Variants in C10orf53 observed in about 807,000 individuals in gnomAD.
C10orf53 encodes the protein UPF0728 protein C10orf53.
A neutral mutation model predicts 9.4 loss-of-function variants in C10orf53; 8 were observed. The ratio of observed to expected loss-of-function variants is 0.85; its 90% CI spans 0.50 to 1.53. The LOEUF (loss-of-function observed/expected upper bound fraction) is 1.53, where lower values mean the gene tolerates loss of function less well. C10orf53 is among the 40% of genes most tolerant of loss of function. The probability of loss-of-function intolerance (pLI) is 0.00; values close to 1 mark genes in which losing one functional copy is unlikely to be tolerated. For synonymous variants in C10orf53, 48 were observed against 46.0 expected (o/e 1.04, Z -0.18); for missense variants, 117 against 117.8 (o/e 0.99, Z 0.03).
chr10:49,702,890 C>T (rs1184502706), intron 2 of C10orf53, among the ~76,000 whole-genome samples: 1 of 152,110 alleles, frequency 6.6e-6, no homozygotes, highest in African/African-American at 2.4e-5. Flanking sequence ...TGTTCTGGTC[C>T]ATGATGTCTA....
chr10:49,694,438 C>G, intron 2 of C10orf53, 100 bp from the exon 3 acceptor site: 1 of 1,487,688 alleles, frequency 6.7e-7, no homozygotes, highest in Non-Finnish European at 9.3e-7. Context: ...CAGCCCATGG[C>G]CTTTGAAAAT....
rs955972682 is a variant in C10orf53 at position 49,697,416 on chromosome 10, C to T, written c.*2814C>T. The stretch of plus-strand genomic sequence containing the variant: ...GTGCCCTGTGCTTCAACGTGCTAGA[C>T]ATTCGGGCGCCTTCATGCTTTTAAA... On this transcript the variant is annotated 3_prime_UTR_variant, in exon 3 of 3. Coordinates refer to ENST00000374111, the MANE Select transcript of C10orf53 (RefSeq NM_001042427.3). Among the ~76,000 whole-genome samples the T allele has an allele frequency of 6.6e-6, 1 of 152,222 alleles. No individual in the cohort carries two copies. The highest frequency in any genetic ancestry group is 1.9e-4 in the East Asian group (1 of 5,202).
chr10:49,702,122 A>AGGAGGC (rs1269794920), downstream of C10orf53, among the ~76,000 whole-genome samples: 1 of 151,802 alleles, frequency 6.6e-6, no homozygotes, highest in African/African-American at 2.4e-5. Context: ...ACTTGAATCC[A>AGGAGGC]GGAGGCGGAG....
intron 1 of C10orf53, among the ~76,000 whole-genome samples, chr10:49,688,463 G>T (rs1314075104): frequency 1.3e-5 from 2 of 151,986 alleles, no homozygotes; most frequent in Non-Finnish European, 2.9e-5. Context: ...TCTGCTTGCA[G>T]TTTGTTCTCA....
intron 2 of C10orf53, among the ~76,000 whole-genome samples, chr10:49,703,084 G>T (rs528363922): frequency 6.6e-6 from 1 of 151,970 alleles, no homozygotes; most frequent in African/African-American, 2.4e-5. Flanking sequence ...TACACCTCTC[G>T]TGTCTCTTCA....
At chr10:49,687,357 T>C (rs1340713063) in intron 1 of C10orf53, among the ~76,000 whole-genome samples, 2 of 152,246 alleles carry the variant, frequency 1.3e-5, no homozygotes, top group Non-Finnish European at 2.9e-5. Context: ...CCATCTAGTT[T>C]GTCCACAAAT....
downstream of C10orf53, among the ~76,000 whole-genome samples, chr10:49,698,983 G>A (rs1840659057): frequency 6.6e-6 from 1 of 152,148 alleles, no homozygotes; most frequent in African/African-American, 2.4e-5. Flanking sequence ...TGATGTTGCT[G>A]TGCAGGGTAT....
chr10:49,703,024 AC>A (rs1431569735), intron 2 of C10orf53, among the ~76,000 whole-genome samples: 2 of 151,808 alleles, frequency 1.3e-5, no homozygotes, highest in African/African-American at 4.8e-5. Flanking sequence ...AGTGTACCCC[AC>A]CCCGCTCCCT....
downstream of C10orf53, among the ~76,000 whole-genome samples, chr10:49,702,436 A>T (rs1840691241): frequency 1.3e-5 from 2 of 152,152 alleles, no homozygotes; most frequent in South Asian, 4.1e-4. Context: ...CCCCCACTCA[A>T]GGTGGGAGCC....
chr10:49,682,546 CCAGTTGCTGCTGCTGGCGCAGGGGGACAG>C (rs1840489482), intron 1 of C10orf53, among the ~76,000 whole-genome samples: 1 of 1,260 alleles, frequency 7.9e-4, no homozygotes, highest in Non-Finnish European at 6.3e-3. Flanking sequence ...GGGACAGGAG[CCAGTTGCTGCTGCTGGCGCAGGGGGACAG>C]GAGCCAGTTG....
chr10:49,700,713 G>T (rs1840675984), downstream of C10orf53, among the ~76,000 whole-genome samples: 2 of 152,264 alleles, frequency 1.3e-5, no homozygotes, highest in Admixed American at 1.3e-4. Context: ...AAGGCCTGGG[G>T]GAAGAGAATA....
At chr10:49,700,404 T>A (rs1840673240), downstream of C10orf53, among the ~76,000 whole-genome samples, 1 of 152,200 alleles carries the variant, frequency 6.6e-6, no homozygotes, top group South Asian at 2.1e-4. Context: ...CTACCTTCTG[T>A]CAGTCATTCT....
At chr10:49,702,264 G>A (rs1021928239), downstream of C10orf53, among the ~76,000 whole-genome samples, 10 of 150,308 alleles carry the variant, frequency 6.7e-5, no homozygotes, top group Non-Finnish European at 1.2e-4. Context: ...AGGGACAGTG[G>A]TCAAAACCAG....
chr10:49,709,082 T>A (rs1007745195), exon 3 of C10orf53: 1 of 166,620 alleles, frequency 6.0e-6, no homozygotes, highest in African/African-American at 2.4e-5. Flanking sequence ...GATCTGCCCG[T>A]TTCTTCCCTG....
downstream of C10orf53, among the ~76,000 whole-genome samples, chr10:49,701,585 T>C (rs1840683562): frequency 6.6e-6 from 1 of 152,104 alleles, no homozygotes; most frequent in African/African-American, 2.4e-5. Flanking sequence ...AAGTAAACCA[T>C]AGTCTTTTCT....
intron 1 of C10orf53, among the ~76,000 whole-genome samples, chr10:49,681,631 A>G (rs770502979): frequency 5.3e-5 from 8 of 152,194 alleles, no homozygotes; most frequent in Non-Finnish European, 1.0e-4. Context: ...CTAAAGGCTA[A>G]AAGTCCCTGA....
chr10:49,698,518 G>A (rs972854944), downstream of C10orf53, among the ~76,000 whole-genome samples: 1 of 152,136 alleles, frequency 6.6e-6, no homozygotes, highest in Non-Finnish European at 1.5e-5. Flanking sequence ...AGCCCTGCAA[G>A]CATTACAGTT....
At chr10:49,700,050 C>T (rs560809983), downstream of C10orf53, among the ~76,000 whole-genome samples, 24 of 152,332 alleles carry the variant, frequency 1.6e-4, no homozygotes, top group African/African-American at 5.5e-4. Context: ...GCAGACTCAA[C>T]AATGGTGAGT....
exon 3 of C10orf53, chr10:49,710,255 GA>G (rs1450439864): frequency 1.8e-4 from 27 of 152,208 alleles, no homozygotes; most frequent in Middle Eastern, 3.4e-3. Context: ...AAACATGTTG[GA>G]AAATGTTTGA....
Sources: gnomAD v4.1 joint callset for allele counts (sites outside exome capture counted in the v4.1 genomes callset) on GRCh38, gnomAD v4.1.1 for gene constraint, MANE v1.5 for transcripts, NCBI Gene and HGNC (gene_info 2026-07-23, HGNC 2026-07-21) for gene names.